Variants in TMC5 observed in about 807,000 individuals in gnomAD.
The protein encoded by TMC5 is transmembrane channel like 5, also known as transmembrane channel-like protein 5.
Under a neutral mutation model 110.5 loss-of-function variants are expected in TMC5, and 86 were observed. The observed-to-expected ratio is 0.78, with a 90% confidence interval of 0.65 to 0.93. The LOEUF is 0.93. Ranked by LOEUF, TMC5 falls within the 40% of genes least tolerant of loss-of-function variation. The pLI is 0.00. For missense variants in TMC5, 1,144 were observed against 1,222.8 expected (o/e 0.94, Z 0.96); for synonymous variants, 455 against 439.5 (o/e 1.04, Z -0.44).
At chr16:19,413,058 G>A (rs1006398434), upstream of TMC5, among the ~76,000 whole-genome samples, 1 of 151,968 alleles carries the variant, frequency 6.6e-6, no homozygotes, top group Admixed American at 6.6e-5. Flanking sequence ...TGCCCAGGCT[G>A]GTCTCAAACT....
chr16:19,445,083 C>G (rs1025872570), intron 4 of TMC5, among the ~76,000 whole-genome samples: 4 of 152,010 alleles, frequency 2.6e-5, no homozygotes, highest in African/African-American at 7.2e-5. Flanking sequence ...GAGCCAAGAT[C>G]GCACCACTGT....
intron 12 of TMC5, among the ~76,000 whole-genome samples, 182 bp from the exon 13 acceptor site, chr16:19,477,254 TAAAA>T (rs370134303): frequency 6.9e-6 from 1 of 145,086 alleles, no homozygotes; most frequent in Admixed American, 6.9e-5. Context: ...TCTCAAAAAA[TAAAA>T]AAAAAAGAAG....
At chr16:19,478,390 G>A (rs1025022798) in intron 13 of TMC5, among the ~76,000 whole-genome samples, 2 of 152,096 alleles carry the variant, frequency 1.3e-5, no homozygotes, top group Non-Finnish European at 2.9e-5. Flanking sequence ...CCTAATTGTC[G>A]AAGAGATTCA....
intron 4 of TMC5, among the ~76,000 whole-genome samples, chr16:19,444,711 AT>A (rs1967573389): frequency 6.6e-6 from 1 of 152,228 alleles, no homozygotes; most frequent in African/African-American, 2.4e-5. Context: ...AGTTTAGCAT[AT>A]CCTAAAGGCA....
intron 8 of TMC5, among the ~76,000 whole-genome samples, chr16:19,465,844 T>C (rs1205660092): frequency 6.6e-6 from 1 of 152,226 alleles, no homozygotes; most frequent in Non-Finnish European, 1.5e-5. Context: ...ACTTGATCAC[T>C]GGGCCAGGTG....
chr16:19,453,321 G>A (rs1014896174), intron 5 of TMC5, among the ~76,000 whole-genome samples: 1 of 152,032 alleles, frequency 6.6e-6, no homozygotes. Flanking sequence ...AAGCATGGTA[G>A]CTCATGCTTG....
chr16:19,440,783 G>A lies in TMC5; in HGVS notation c.745G>A (p.Gly249Ser). 1 of 1,613,910 alleles carries A rather than the reference G, an allele frequency of 6.2e-7. No homozygotes were observed. Among genetic ancestry groups the A allele is most frequent in the Non-Finnish European group, 8.5e-7 (1 of 1,180,028 alleles). ...REPDYSDAEN[G>S]HDYGSSETPK... ...ACCTGATTATTCAGATGCTGAGAAT[G>A]GTCATGATTATGGCTCTTCTGAGAC... Residue 249 changes from glycine (G) to serine (S), a missense_variant, in exon 3 of 22, where the codon GGT (glycine) becomes AGT (serine). By Grantham distance (56) the Gly-to-Ser change is moderately conservative. Coordinates refer to ENST00000542583, the MANE Select transcript of TMC5 (RefSeq NM_001261841.2).
Position 19,466,207 on chromosome 16 carries a change from C to T in TMC5, c.1611C>T (p.Thr537=). The T allele has an allele frequency of 4.3e-6, 7 of 1,614,100 alleles. No homozygotes were observed. The highest frequency in any genetic ancestry group is 5.9e-6 in the Non-Finnish European group (7 of 1,180,016). The change falls in exon 9 of 22, where the codon ACC becomes ACT. Residue 537 remains threonine, a synonymous_variant. Coordinates refer to ENST00000542583, the MANE Select transcript of TMC5 (RefSeq NM_001261841.2). The stretch of plus-strand genomic sequence containing the variant: ...TCTTCACAATCGGAGCATGCTTGAC[C>T]ACCTGCTTCTTCAGTTTGCTGTTCA... ...AYIFTIGACL[T]TCFFSLLFSM...
At chr16:19,485,061 T>C (rs554044846) in intron 15 of TMC5, among the ~76,000 whole-genome samples, 142 of 151,814 alleles carry the variant, frequency 9.4e-4, no homozygotes, top group Admixed American at 1.6e-3. Context: ...TTTTTTGGTA[T>C]AGTGACGTTT....
chr16:19,436,315 C>T (rs566054495), intron 2 of TMC5, among the ~76,000 whole-genome samples: 2 of 140,414 alleles, frequency 1.4e-5, no homozygotes, highest in East Asian at 4.2e-4. Flanking sequence ...AAACAGTTTC[C>T]GTGAACATTT....
intron 14 of TMC5, among the ~76,000 whole-genome samples, chr16:19,479,831 C>T (rs565694982): frequency 5.3e-4 from 80 of 151,946 alleles, no homozygotes; most frequent in Non-Finnish European, 7.8e-4. Flanking sequence ...CAGTGGCTCA[C>T]GCCTGTAATC....
At chr16:19,479,855 A>T in intron 14 of TMC5, among the ~76,000 whole-genome samples, 1 of 151,792 alleles carries the variant, frequency 6.6e-6, no homozygotes, top group Non-Finnish European at 1.5e-5. Context: ...ACACTTTGGG[A>T]GACCGAGGCA....
intron 1 of TMC5, among the ~76,000 whole-genome samples, chr16:19,426,354 G>A (rs936240444): frequency 9.8e-5 from 15 of 152,300 alleles, no homozygotes; most frequent in African/African-American, 2.9e-4. Context: ...TCCCAGACCC[G>A]GTGGTAGAGA....
At chr16:19,441,775 T>C (rs1310406269) in intron 3 of TMC5, among the ~76,000 whole-genome samples, 1 of 152,134 alleles carries the variant, frequency 6.6e-6, no homozygotes, top group African/African-American at 2.4e-5. Flanking sequence ...CGGTTTTTTG[T>C]TGTTGTTGTT....
chr16:19,464,427 CATCA>C lies in TMC5; in HGVS notation c.1485+418_1485+421del, dbSNP rs534919410. On this transcript the variant is annotated intron_variant, in intron 8 of 21. Coordinates refer to ENST00000542583, the MANE Select transcript of TMC5 (RefSeq NM_001261841.2). Reference sequence around the variant, plus strand: ...CAACAGAGCGAGGCCTTGTCTCAATCATCAATCAATCAATCAATAAAGTGTTTTC... The same window carrying C: ...CAACAGAGCGAGGCCTTGTCTCAATCATCAATCAATCAATAAAGTGTTTTC... Among the ~76,000 whole-genome samples, 97 of 152,198 alleles carry C rather than the reference CATCA, an allele frequency of 6.4e-4. 1 individual carries two copies. The Middle Eastern group carries it at 0.01, about 16-fold the overall frequency.
rs535032254 is a variant in TMC5, at chr16:19,437,859, C to A, written c.-79-2101C>A. Among the ~76,000 whole-genome samples the A allele has an allele frequency of 5.3e-5, 8 of 152,296 alleles. No individual in the cohort carries two copies. In the East Asian group the frequency reaches 1.5e-3, roughly 29 times the overall value. On this transcript the variant is annotated intron_variant, in intron 2 of 21. Transcript: ENST00000542583. ...TGTATATATTCTATCCCCTTAGCCA[C>A]CCCAGTGAAATAAGAGCACCTCTTT...
chr16:19,473,269 C>T (rs1243642660), intron 11 of TMC5, among the ~76,000 whole-genome samples: 1 of 145,224 alleles, frequency 6.9e-6, no homozygotes, highest in Admixed American at 7.1e-5. Flanking sequence ...TCACTTGAAC[C>T]TCGGAGGCAG....
chr16:19,440,953 G>T (rs1967473993), intron 3 of TMC5, 127 bp downstream of exon 3: 2 of 931,804 alleles, frequency 2.1e-6, no homozygotes. Context: ...CTGAAGTTGT[G>T]GTGAAATGCG....
At chr16:19,445,442 A>G (rs9928562) in intron 4 of TMC5, among the ~76,000 whole-genome samples, 4,434 of 151,946 alleles carry the variant, frequency 0.029, 214 homozygotes, top group African/African-American at 0.1. Context: ...GGGTCTTGCT[A>G]TGTTGCCTGG....
Sources: allele counts gnomAD v4.1 joint callset (sites outside exome capture counted in the v4.1 genomes callset), GRCh38; gene constraint gnomAD v4.1.1; transcripts MANE v1.5; gene names NCBI Gene and HGNC (gene_info 2026-07-23, HGNC 2026-07-21).